Variants in ACTR6 observed in about 807,000 individuals in gnomAD.
ACTR6 encodes actin-related protein 6.
Under a neutral mutation model 52.5 loss-of-function variants are expected in ACTR6, and 50 were observed. The ratio of observed to expected loss-of-function variants is 0.95; its 90% CI spans 0.76 to 1.20. ACTR6 has a LOEUF of 1.20. ACTR6 is among the 50% of genes most tolerant of loss of function. The pLI, the probability that ACTR6 is intolerant of heterozygous loss-of-function variation, is 0.00. For missense variants in ACTR6, 344 were observed against 472.4 expected (o/e 0.73, Z 2.52); for synonymous variants, 135 against 147.2 (o/e 0.92, Z 0.60).
chr12:100,210,880 A>G (rs904953993), intron 6 of ACTR6, among the ~76,000 whole-genome samples: 7 of 152,100 alleles, frequency 4.6e-5, no homozygotes, highest in Non-Finnish European at 8.8e-5. Flanking sequence ...TTGCTCCCCT[A>G]TGTGCCCTAC....
chr12:100,220,225 C>G, intron 10 of ACTR6, 79 bp downstream of exon 10: 1 of 1,435,716 alleles, frequency 7.0e-7, no homozygotes, highest in Non-Finnish European at 9.5e-7. Context: ...AGTTTAAAAC[C>G]TGGCTCTCCC....
intron 8 of ACTR6, among the ~76,000 whole-genome samples, chr12:100,216,214 G>A (rs974298776): frequency 5.9e-5 from 9 of 152,202 alleles, no homozygotes; most frequent in African/African-American, 2.2e-4. Flanking sequence ...GGAGCACAGC[G>A]GTGTGATCAC....
At chr12:100,204,892 T>C (rs1218679838) in intron 1 of ACTR6, 48 bp from the exon 2 acceptor site, 2 of 1,276,486 alleles carry the variant, frequency 1.6e-6, no homozygotes, top group African/African-American at 1.5e-5. Context: ...AAAAATGTTT[T>C]TAGGAACTAA....
chr12:100,200,847 G>A lies in ACTR6; in HGVS notation c.-5G>A, dbSNP rs1398121485. 2 of 1,614,014 alleles carry A rather than the reference G, an allele frequency of 1.2e-6. No individual in the cohort carries two copies. Among genetic ancestry groups the A allele is most frequent in the African/African-American group, 1.3e-5 (1 of 74,926 alleles). ...AACTACGGCTGCGGTGTGGTTGGTG[G>A]TGAGATGACGACCTTAGTGCTGGAT... On this transcript the variant is annotated 5_prime_UTR_variant, in exon 1 of 11. It adds an upstream start codon to the 5' untranslated region. Coordinates refer to ENST00000188312, the MANE Select transcript of ACTR6 (RefSeq NM_022496.5).
In ACTR6 at chr12:100,218,259, C is replaced by A. The variant is rs1184145383; in HGVS notation, c.751-156C>A. 1.3e-5 allele frequency among the ~76,000 whole-genome samples: 2 copies of A among 152,012 alleles called. No individual in the cohort carries two copies. The highest frequency in any genetic ancestry group is 2.4e-5 in the African/African-American group (1 of 41,394). On this transcript the variant is annotated intron_variant, in intron 8 of 10. Transcript: ENST00000188312. This position sits in a 1 kb window ranked among gnomAD's most constrained non-coding sequence, Gnocchi z 4.2. ...GTGATTTTGGCAACAGTAAAGGCAGCCACACATTCTTCTAAATTTTGAGAA... is the reference window on the plus strand; with the variant it reads ...GTGATTTTGGCAACAGTAAAGGCAGACACACATTCTTCTAAATTTTGAGAA...
intron 8 of ACTR6, among the ~76,000 whole-genome samples, chr12:100,213,168 C>CT (rs1304904078): frequency 6.6e-6 from 1 of 152,060 alleles, no homozygotes; most frequent in African/African-American, 2.4e-5. Flanking sequence ...ACAGCACTCA[C>CT]TATAGCCTTT....
rs1010401819 is a variant in ACTR6 at position 100,219,997 on chromosome 12, T to G, written c.923-11T>G. 2 of 1,611,138 alleles carry G rather than the reference T, an allele frequency of 1.2e-6. No homozygotes were observed. Among genetic ancestry groups the G allele is most frequent in the African/African-American group, 2.7e-5 (2 of 74,658 alleles). ...CTTTTTTCCTTTCCTTCTCCTTTTCTTCTTTTAAAGAAATGCAGCCGCATT... is the reference window on the plus strand; with the variant it reads ...CTTTTTTCCTTTCCTTCTCCTTTTCGTCTTTTAAAGAAATGCAGCCGCATT... On this transcript the variant is annotated splice_polypyrimidine_tract_variant and intron_variant, in intron 9 of 10. Transcript: ENST00000188312.
chr12:100,212,383 A>T, intron 7 of ACTR6, 29 bp downstream of exon 7: 1 of 1,593,816 alleles, frequency 6.3e-7, no homozygotes, highest in Non-Finnish European at 8.6e-7. Flanking sequence ...TAAGAATTGG[A>T]AAGTAGATTG....
chr12:100,201,089 A>G, intron 1 of ACTR6, 170 bp downstream of exon 1: 1 of 1,452,164 alleles, frequency 6.9e-7, no homozygotes, highest in Non-Finnish European at 9.1e-7. Flanking sequence ...TTGAATTGAA[A>G]TTGATTTTGG....
intron 3 of ACTR6, among the ~76,000 whole-genome samples, chr12:100,206,422 A>T (rs1566291728): frequency 1.3e-5 from 2 of 152,198 alleles, no homozygotes; most frequent in African/African-American, 4.8e-5. Context: ...AGGTTGCAGT[A>T]AGCCGAGATT....
chr12:100,223,103 C>T (rs1233607112), intron 10 of ACTR6, among the ~76,000 whole-genome samples: 3 of 151,932 alleles, frequency 2.0e-5, no homozygotes, highest in Admixed American at 1.3e-4. Context: ...TTTGGGAGGT[C>T]GAGGTGTGTG....
At chr12:100,208,067 A>T in intron 4 of ACTR6, 1 of 286,462 alleles carries the variant, frequency 3.5e-6, no homozygotes. Context: ...AAGCTGAGGC[A>T]GAAGGATCGT....
intron 8 of ACTR6, among the ~76,000 whole-genome samples, chr12:100,214,282 G>T (rs1054047907): frequency 6.6e-6 from 1 of 152,170 alleles, no homozygotes; most frequent in African/African-American, 2.4e-5. Flanking sequence ...CATTAAGCTG[G>T]TTGGTGAATA....
At chr12:100,200,990 G>A (rs1227651071) in intron 1 of ACTR6, 71 bp downstream of exon 1, 5 of 1,610,514 alleles carry the variant, frequency 3.1e-6, no homozygotes, top group Non-Finnish European at 4.2e-6. Context: ...TTTCATCTCC[G>A]GACATCAATG....
chr12:100,201,258 T>C (rs1024807304), intron 1 of ACTR6, among the ~76,000 whole-genome samples: 1 of 152,212 alleles, frequency 6.6e-6, no homozygotes, highest in African/African-American at 2.4e-5. Context: ...TTTGGGTGTA[T>C]GCGGATTTTC....
chr12:100,201,137 T>C, intron 1 of ACTR6: 11 of 1,258,074 alleles, frequency 8.7e-6, no homozygotes, highest in Non-Finnish European at 8.4e-6. Context: ...AAGTGGGATA[T>C]ATGTTTTATT....
At chr12:100,223,202 G>A (rs1452233487) in intron 10 of ACTR6, among the ~76,000 whole-genome samples, 2 of 152,184 alleles carry the variant, frequency 1.3e-5, no homozygotes, top group African/African-American at 4.8e-5. Flanking sequence ...TTAGCCATGT[G>A]TGGTGGCATG....
intron 8 of ACTR6, among the ~76,000 whole-genome samples, chr12:100,217,351 G>A (rs890177092): frequency 6.6e-6 from 1 of 152,170 alleles, no homozygotes; most frequent in African/African-American, 2.4e-5. Context: ...GGGAAGCAGA[G>A]AAAACCTCTC....
intron 8 of ACTR6, among the ~76,000 whole-genome samples, chr12:100,217,580 C>T (rs778408074): frequency 4.6e-5 from 7 of 152,094 alleles, no homozygotes; most frequent in Non-Finnish European, 1.0e-4. Flanking sequence ...CTACAGCTCA[C>T]AGATTGGGTG....
Sources: allele counts gnomAD v4.1 joint callset (sites outside exome capture counted in the v4.1 genomes callset), GRCh38; gene constraint gnomAD v4.1.1; non-coding constraint Gnocchi (gnomAD v3.1); transcripts MANE v1.5; gene names NCBI Gene and HGNC (gene_info 2026-07-23, HGNC 2026-07-21).